MLLT10: variants seen among roughly 807,000 people sequenced by gnomAD.
The protein encoded by MLLT10 is protein AF-10.
MLLT10 carries 30 observed loss-of-function variants against 129.1 expected under a neutral mutation model. The ratio of observed to expected loss-of-function variants is 0.23; its 90% CI spans 0.17 to 0.32. The LOEUF is 0.32. Ranked by LOEUF, MLLT10 falls within the 10% of genes least tolerant of loss-of-function variation. The pLI is 1.00. For missense variants in MLLT10, 1,119 were observed against 1,268.3 expected (o/e 0.88, Z 1.79); for synonymous variants, 490 against 446.4 (o/e 1.10, Z -1.23).
At chr10:21,629,749 ATATT>A (rs1435645516) in intron 8 of MLLT10, among the ~76,000 whole-genome samples, 1 of 152,200 alleles carries the variant, frequency 6.6e-6, no homozygotes, top group Non-Finnish European at 1.5e-5. Context: ...GAGTTTCAAT[ATATT>A]TATTGGTAGA....
chr10:21,547,581 T>C (rs1013311364), intron 3 of MLLT10, among the ~76,000 whole-genome samples: 3 of 151,730 alleles, frequency 2.0e-5, no homozygotes, highest in Non-Finnish European at 4.4e-5. Context: ...AGTGCAGTAG[T>C]GTGATCTCGG....
At chr10:21,662,365 A>G (rs1452076495) in intron 9 of MLLT10, among the ~76,000 whole-genome samples, 2 of 152,034 alleles carry the variant, frequency 1.3e-5, no homozygotes, top group Non-Finnish European at 2.9e-5. Flanking sequence ...TGTTTTGTAT[A>G]TGTCCCAGCA....
intron 8 of MLLT10, among the ~76,000 whole-genome samples, chr10:21,646,892 G>A (rs1386644498): frequency 7.2e-6 from 1 of 139,268 alleles, no homozygotes; most frequent in Non-Finnish European, 1.5e-5. Context: ...GTCTCGCTCT[G>A]TCGCCCAGGC....
At chr10:21,618,106 G>A (rs1329258310) in intron 8 of MLLT10, among the ~76,000 whole-genome samples, 9 of 152,170 alleles carry the variant, frequency 5.9e-5, no homozygotes, top group African/African-American at 4.8e-5. Context: ...TACAAAGTTG[G>A]TATATGCTAG....
chr10:21,592,782 TG>T (rs1440510591), intron 4 of MLLT10, among the ~76,000 whole-genome samples: 2 of 152,156 alleles, frequency 1.3e-5, no homozygotes, highest in African/African-American at 4.8e-5. Context: ...GTAGTTTTAT[TG>T]TCTCTTGGTG....
At position 21,673,859 on chromosome 10, in the gene MLLT10, A is replaced by G; in HGVS notation, c.1561A>G (p.Thr521Ala). The stretch of plus-strand genomic sequence containing the variant: ...AAGCTCTAGTCTGCAGAAATCTCCT[A>G]CATTGCTCAGGAATGGAAGTTTACA... Reference protein sequence around the residue: ...ITSSSLQKSPTLLRNGSLQSL... With the variant: ...ITSSSLQKSPALLRNGSLQSL... Residue 521 changes from threonine to alanine, a missense_variant, in exon 11 of 23, where the codon ACA (threonine) becomes GCA (alanine). Transcript: ENST00000307729. 1.9e-6 allele frequency: 3 copies of G among 1,613,878 alleles called. No homozygotes were observed. The highest frequency in any genetic ancestry group is 2.2e-5 in the South Asian group (2 of 91,032).
chr10:21,687,962 T>C (rs1215839698), intron 13 of MLLT10, among the ~76,000 whole-genome samples: 2 of 152,240 alleles, frequency 1.3e-5, no homozygotes, highest in Non-Finnish European at 2.9e-5. Context: ...CATGTACTTA[T>C]AGGTAAGACT....
At chr10:21,556,659 G>A (rs2130979119) in intron 3 of MLLT10, 1 of 1,611,504 alleles carries the variant, frequency 6.2e-7, no homozygotes, top group East Asian at 2.2e-5. Context: ...TGCAATTCCT[G>A]TTGGTTAGCC....
chr10:21,663,856 A>G (rs1016511340), intron 9 of MLLT10, among the ~76,000 whole-genome samples: 3 of 151,974 alleles, frequency 2.0e-5, no homozygotes, highest in Non-Finnish European at 4.4e-5. Context: ...ATGACCCCCA[A>G]TTTTTTGTTT....
At chr10:21,672,528 A>G (rs2051565759) in intron 10 of MLLT10, among the ~76,000 whole-genome samples, 1 of 151,962 alleles carries the variant, frequency 6.6e-6, no homozygotes, top group South Asian at 2.1e-4. Flanking sequence ...GCTGGTCTTG[A>G]ACTCCTGACC....
chr10:21,616,262 A>T (rs898593060), intron 7 of MLLT10, among the ~76,000 whole-genome samples: 1 of 152,096 alleles, frequency 6.6e-6, no homozygotes, highest in African/African-American at 2.4e-5. Flanking sequence ...AAAAAAATGG[A>T]TTTTGAAGTT....
intron 3 of MLLT10, among the ~76,000 whole-genome samples, chr10:21,559,349 A>G (rs1009608933): frequency 6.6e-6 from 1 of 152,210 alleles, no homozygotes; most frequent in Non-Finnish European, 1.5e-5. Context: ...AAGTGCTGGG[A>G]TTACAGGCAT....
intron 3 of MLLT10, chr10:21,556,525 G>T: frequency 2.8e-6 from 2 of 705,934 alleles, no homozygotes; most frequent in Non-Finnish European, 4.6e-6. Context: ...GTCTCTGAGT[G>T]TAGATTTCTT....
At chr10:21,611,142 A>G (rs2044604089) in intron 5 of MLLT10, among the ~76,000 whole-genome samples, 1 of 149,176 alleles carries the variant, frequency 6.7e-6, no homozygotes, top group South Asian at 2.1e-4. Context: ...GATTACAGGC[A>G]TCTGCCACCA....
intron 3 of MLLT10, among the ~76,000 whole-genome samples, chr10:21,551,289 CTTTTTTTTTT>C (rs11461905): frequency 4.2e-3 from 389 of 91,966 alleles, no homozygotes; most frequent in African/African-American, 0.021. Flanking sequence ...CGGATTGTAC[CTTTTTTTTTT>C]TTTTTTTTTT....
chr10:21,690,691 G>A (rs1357163672), intron 13 of MLLT10, among the ~76,000 whole-genome samples: 2 of 151,908 alleles, frequency 1.3e-5, no homozygotes, highest in Non-Finnish European at 2.9e-5. Flanking sequence ...GTGCCTGCCT[G>A]TCTGTCATTT....
At chr10:21,713,083 G>A (rs1249628468) in intron 13 of MLLT10, among the ~76,000 whole-genome samples, 1 of 152,018 alleles carries the variant, frequency 6.6e-6, no homozygotes, top group African/African-American at 2.4e-5. Flanking sequence ...CACCTCCTGT[G>A]TTCTCTGGAG....
intron 10 of MLLT10, among the ~76,000 whole-genome samples, chr10:21,672,772 A>G (rs892639314): frequency 6.6e-6 from 1 of 152,202 alleles, no homozygotes; most frequent in African/African-American, 2.4e-5. Context: ...TCCATTTTCT[A>G]TTATGGTAGA....
intron 11 of MLLT10, among the ~76,000 whole-genome samples, chr10:21,675,628 A>G (rs538345139): frequency 5.9e-5 from 9 of 152,356 alleles, no homozygotes; most frequent in African/African-American, 2.2e-4. Flanking sequence ...CTTGTCACAA[A>G]AAGTACCTTT....
Sources: allele counts gnomAD v4.1 joint callset (sites outside exome capture counted in the v4.1 genomes callset), GRCh38; gene constraint gnomAD v4.1.1; transcripts MANE v1.5; gene names NCBI Gene and HGNC (gene_info 2026-07-23, HGNC 2026-07-21).